Variants in CDADC1 observed in about 807,000 individuals in gnomAD.
CDADC1 encodes the protein dCTP deaminase.
In CDADC1, 39 loss-of-function variants were observed where a neutral mutation model predicts 54.9. The ratio of observed to expected loss-of-function variants is 0.71; its 90% confidence interval spans 0.55 to 0.93. The LOEUF is 0.93. Among genes scored for constraint, CDADC1 ranks in the 40% least tolerant of loss-of-function variants. The pLI is 0.00. For synonymous variants in CDADC1, 186 were observed against 204.0 expected (o/e 0.91, Z 0.75); for missense variants, 518 against 618.8 (o/e 0.84, Z 1.73).
At position 49,267,542 on chromosome 13, in the gene CDADC1, T is replaced by C. The variant is rs1952843431; in HGVS notation, c.483T>C (p.Leu161=). ...CTGCTGATCCAGAAATAAGTTTGCTTACGGAGGCTTCTAGTTCTGAAGATG... is the reference window on the plus strand; with the variant it reads ...CTGCTGATCCAGAAATAAGTTTGCTCACGGAGGCTTCTAGTTCTGAAGATG... ...YWPADPEISL[L]TEASSSEDAK... is the part of the protein sequence containing the mutation. Residue 161 remains leucine (L), a synonymous_variant, in exon 5 of 10, where the codon CTT becomes CTC. Coordinates refer to ENST00000251108, the MANE Select transcript of CDADC1 (RefSeq NM_030911.4). The C allele has an allele frequency of 6.2e-7, 1 of 1,613,818 alleles. No homozygotes were observed. Among genetic ancestry groups the C allele is most frequent in the Admixed American group, 1.7e-5 (1 of 59,924 alleles).
chr13:49,262,633 C>T (rs978838582), intron 4 of CDADC1, among the ~76,000 whole-genome samples: 4 of 152,090 alleles, frequency 2.6e-5, no homozygotes, highest in Non-Finnish European at 2.9e-5. Flanking sequence ...CAGGTTCAAG[C>T]GATTCCCCTG....
chr13:49,271,233 C>T (rs1293457645), intron 5 of CDADC1, among the ~76,000 whole-genome samples: 2 of 108,646 alleles, frequency 1.8e-5, no homozygotes, highest in South Asian at 3.8e-4. Context: ...CTAGAATACC[C>T]GAAGGTAGCA....
intron 6 of CDADC1, 69 bp downstream of exon 6, chr13:49,274,409 C>A: frequency 3.2e-6 from 4 of 1,259,040 alleles, no homozygotes; most frequent in Non-Finnish European, 3.4e-6. Context: ...GTCTTCGGTG[C>A]ATTACAGGTT....
At chr13:49,288,232 A>G (rs1461032337) in intron 9 of CDADC1, among the ~76,000 whole-genome samples, 2 of 152,218 alleles carry the variant, frequency 1.3e-5, no homozygotes, top group Non-Finnish European at 2.9e-5. Flanking sequence ...GTGACAGTTC[A>G]ACTGAACAGT....
At chr13:49,265,633 A>G (rs753127846) in intron 4 of CDADC1, among the ~76,000 whole-genome samples, 7 of 152,118 alleles carry the variant, frequency 4.6e-5, no homozygotes, top group Non-Finnish European at 8.8e-5. Flanking sequence ...TGTTATTTAT[A>G]TTAATGTATA....
intron 6 of CDADC1, among the ~76,000 whole-genome samples, chr13:49,276,019 G>C (rs980581139): frequency 2.0e-5 from 3 of 151,428 alleles, no homozygotes; most frequent in African/African-American, 4.9e-5. Context: ...CACCTGCCTT[G>C]GCCTCCCAAA....
intron 2 of CDADC1, among the ~76,000 whole-genome samples, chr13:49,251,946 T>G (rs1952443291): frequency 6.6e-6 from 1 of 152,208 alleles, no homozygotes; most frequent in African/African-American, 2.4e-5. Flanking sequence ...AATAAATAAG[T>G]CTTTTGTTTC....
At chr13:49,250,750 A>G (rs1450886885) in intron 2 of CDADC1, among the ~76,000 whole-genome samples, 4 of 152,232 alleles carry the variant, frequency 2.6e-5, no homozygotes, top group Non-Finnish European at 5.9e-5. Flanking sequence ...ATGTGAGGAT[A>G]TTCGCTTCTC....
At chr13:49,266,154 G>C (rs7990341) in intron 4 of CDADC1, among the ~76,000 whole-genome samples, 35,327 of 151,760 alleles carry the variant, frequency 0.23, 4,216 homozygotes, top group South Asian at 0.26. Context: ...CTTTCTATTT[G>C]CTTCTGGGTA....
chr13:49,288,031 AG>A (rs1359011691), intron 9 of CDADC1, among the ~76,000 whole-genome samples: 4 of 152,064 alleles, frequency 2.6e-5, no homozygotes, highest in Non-Finnish European at 4.4e-5. Flanking sequence ...ATGGAATATG[AG>A]AAGATACTTG....
chr13:49,267,663 T>C lies in CDADC1; in HGVS notation c.604T>C (p.Phe202Leu), dbSNP rs978254029. Residue 202 changes from phenylalanine to leucine, a missense_variant, in exon 5 of 10, where the codon TTT becomes CTT. Transcript: ENST00000251108. ...LQPLVCYMVQ[F>L]VEETSYKCDF... Reference sequence around the variant, plus strand: ...ACCTTTGGTGTGTTATATGGTGCAGTTTGTAGAGGAGACCTCTTACAAATG... The same window carrying C: ...ACCTTTGGTGTGTTATATGGTGCAGCTTGTAGAGGAGACCTCTTACAAATG... 1.2e-6 allele frequency: 2 copies of C among 1,613,972 alleles called. No homozygotes were observed. The highest frequency in any genetic ancestry group is 1.7e-6 in the Non-Finnish European group (2 of 1,180,010).
Position 49,286,208 on chromosome 13 carries a change from G to T in CDADC1, c.1411-14G>T. On this transcript the variant is annotated splice_polypyrimidine_tract_variant and intron_variant, in intron 8 of 9. Transcript: ENST00000251108. ...TCCTCTTTAAACAAGTAAAATGTTT[G>T]TGCACTCTTACAGTGGCAGCTGAAT... The T allele has an allele frequency of 6.2e-7, 1 of 1,606,744 alleles. No homozygotes were observed. The highest frequency in any genetic ancestry group is 8.5e-7 in the Non-Finnish European group (1 of 1,173,534).
At chr13:49,249,669 G>T (rs1952380591) in intron 2 of CDADC1, among the ~76,000 whole-genome samples, 1 of 152,106 alleles carries the variant, frequency 6.6e-6, no homozygotes, top group African/African-American at 2.4e-5. Flanking sequence ...ATCGTTGGAG[G>T]TTACAGTGAG....
chr13:49,272,117 G>A (rs1329521854), intron 5 of CDADC1, among the ~76,000 whole-genome samples: 1 of 152,140 alleles, frequency 6.6e-6, no homozygotes, highest in Non-Finnish European at 1.5e-5. Context: ...CAGAAAAAGT[G>A]GCTTCTGTGA....
intron 5 of CDADC1, among the ~76,000 whole-genome samples, chr13:49,273,346 T>C (rs1953018952): frequency 6.6e-6 from 1 of 152,226 alleles, no homozygotes; most frequent in Non-Finnish European, 1.5e-5. Flanking sequence ...ATTGTTATTT[T>C]CTACGTGTAA....
At position 49,291,804 on chromosome 13, in the gene CDADC1, A is replaced by T. The variant is rs988081665; in HGVS notation, c.*47A>T. On this transcript the variant is annotated 3_prime_UTR_variant, in exon 10 of 10. Transcript: ENST00000251108. Reference sequence around the variant, plus strand: ...GGGAACCTCAAGAACTTTTCATTGCACTTCTAAAATTCAGCCTTGTTCATT... The same window carrying T: ...GGGAACCTCAAGAACTTTTCATTGCTCTTCTAAAATTCAGCCTTGTTCATT... The T allele has an allele frequency of 1.9e-6, 3 of 1,583,826 alleles. No individual in the cohort carries two copies. The African/African-American group carries it at 4.1e-5, about 22-fold the overall frequency.
intron 6 of CDADC1, 66 bp from the exon 7 acceptor site, chr13:49,278,284 A>G (rs1192318064): frequency 1.6e-6 from 2 of 1,243,642 alleles, no homozygotes; most frequent in Admixed American, 4.8e-5. Flanking sequence ...AGCAAGCTTC[A>G]AAAATACATT....
Position 49,265,679 on chromosome 13 carries a change from TTTTAAA to T in CDADC1, c.431-1807_431-1802del, listed in dbSNP as rs1045444120. On this transcript the variant is annotated intron_variant, in intron 4 of 9. Coordinates refer to ENST00000251108, the MANE Select transcript of CDADC1 (RefSeq NM_030911.4). ...GTTATTTTTAATGAATTAATAAATA[TTTTAAA>T]TTTTGTTTTAATTTTCAAGTACAGT... Among the ~76,000 whole-genome samples the T allele has an allele frequency of 3.1e-3, 476 of 152,244 alleles. 2 individuals carry two copies. The highest frequency in any genetic ancestry group is 0.01 in the African/African-American group (432 of 41,576).
intron 2 of CDADC1, 101 bp downstream of exon 2, chr13:49,249,066 G>A (rs959848557): frequency 1.4e-6 from 1 of 713,772 alleles, no homozygotes; most frequent in South Asian, 1.6e-5. Flanking sequence ...ACTTAACAAG[G>A]CTTAAGATTT....
Sources: allele counts gnomAD v4.1 joint callset (sites outside exome capture counted in the v4.1 genomes callset), GRCh38; gene constraint gnomAD v4.1.1; transcripts MANE v1.5; gene names NCBI Gene and HGNC (gene_info 2026-07-23, HGNC 2026-07-21).